LINGO3: variants seen among roughly 807,000 people sequenced by gnomAD.
LINGO3 encodes the protein leucine rich repeat and Ig domain containing 3.
For synonymous variants in LINGO3, 427 were observed against 444.2 expected (o/e 0.96, Z 0.49); for missense variants, 750 against 867.7 (o/e 0.86, Z 1.70).
the LINGO3 span, among the ~76,000 whole-genome samples, chr19:2,307,243 G>T: frequency 2.6e-4 from 40 of 152,352 alleles, no homozygotes; most frequent in African/African-American, 8.9e-4. Context: ...TGCAGCTTCT[G>T]GGGCACATCG....
the LINGO3 span, among the ~76,000 whole-genome samples, chr19:2,301,784 C>T: frequency 1.3e-5 from 2 of 151,542 alleles, no homozygotes; most frequent in Admixed American, 6.6e-5. Flanking sequence ...AAAAATTAGC[C>T]GGGCATGGTG....
chr19:2,292,102 G>A (rs2025530548), upstream of LINGO3: 1 of 350,286 alleles, frequency 2.9e-6, no homozygotes, highest in African/African-American at 2.3e-5. Context: ...GCAGGAGGAT[G>A]GCTTGGGCCC....
At chr19:2,293,864 G>A (rs1160699472), upstream of LINGO3, among the ~76,000 whole-genome samples, 8 of 151,724 alleles carry the variant, frequency 5.3e-5, no homozygotes, top group Non-Finnish European at 4.4e-5. Flanking sequence ...ACCAGCCTGG[G>A]CAACATGGGG....
downstream of LINGO3, among the ~76,000 whole-genome samples, chr19:2,289,173 CTGTGTTCCGGGTGTGAGCTG>C (rs2025492566): frequency 7.4e-6 from 1 of 135,932 alleles, no homozygotes; most frequent in Non-Finnish European, 1.6e-5. Context: ...GGTGTGAGCT[CTGTGTTCCGGGTGTGAGCTG>C]TGTGTCCCGG....
At chr19:2,306,691 G>A in the LINGO3 span, among the ~76,000 whole-genome samples, 8 of 152,246 alleles carry the variant, frequency 5.3e-5, no homozygotes, top group South Asian at 2.1e-4. Context: ...GTCATTTGCC[G>A]GAAGTCACCG....
At chr19:2,300,126 G>C in the LINGO3 span, among the ~76,000 whole-genome samples, 3 of 148,630 alleles carry the variant, frequency 2.0e-5, no homozygotes, top group African/African-American at 7.4e-5. Flanking sequence ...TCGCCTCCCG[G>C]GTTCAAGGGA....
At chr19:2,294,105 A>T (rs906849420), upstream of LINGO3, among the ~76,000 whole-genome samples, 2 of 152,078 alleles carry the variant, frequency 1.3e-5, no homozygotes, top group Non-Finnish European at 2.9e-5. This position sits in a 1 kb window ranked among gnomAD's most constrained non-coding sequence, Gnocchi z 4.3. Flanking sequence ...TGTGCACGGG[A>T]CCTCATTTGG....
the LINGO3 span, among the ~76,000 whole-genome samples, chr19:2,298,983 G>A: frequency 5.9e-5 from 9 of 152,102 alleles, no homozygotes; most frequent in Non-Finnish European, 1.0e-4. Context: ...GCCTCAATTC[G>A]GATGCGCTGT....
At chr19:2,294,674 C>T (rs569045304), upstream of LINGO3, among the ~76,000 whole-genome samples, 46 of 152,124 alleles carry the variant, frequency 3.0e-4, no homozygotes, top group African/African-American at 9.6e-4. This position sits in a 1 kb window ranked among gnomAD's most constrained non-coding sequence, Gnocchi z 4.3. Flanking sequence ...CCGTGGTGGC[C>T]CAGAGGAACA....
At chr19:2,305,167 G>A in the LINGO3 span, among the ~76,000 whole-genome samples, 4 of 152,194 alleles carry the variant, frequency 2.6e-5, no homozygotes, top group East Asian at 7.7e-4. Flanking sequence ...GAGGCCTCCC[G>A]GATCTGTGCA....
chr19:2,303,064 C>T, the LINGO3 span, among the ~76,000 whole-genome samples: 1 of 152,210 alleles, frequency 6.6e-6, no homozygotes, highest in Non-Finnish European at 1.5e-5. Flanking sequence ...ATCGTCCGCC[C>T]GCACCTCTAG....
In LINGO3 at chr19:2,290,276, G is replaced by T; in HGVS notation, c.1501C>A (p.Pro501Thr). Reference sequence around the variant, plus strand: ...TCGCCCGGGGTCCGGTTGGCGGCCGGCTCGGGGCGCACGGTCAGCGTGGCG... The same window carrying T: ...TCGCCCGGGGTCCGGTTGGCGGCCGTCTCGGGGCGCACGGTCAGCGTGGCG... Residue 501 changes from proline (P) to threonine (T), a missense_variant, in exon 1 of 1, where the codon CCG becomes ACG. Transcript: ENST00000585527. The surrounding 1 kb of genome is among the most constrained non-coding windows in gnomAD (Gnocchi z 6.0). 6.3e-7 allele frequency: 1 copy of T among 1,591,106 alleles called. No homozygotes were observed. The highest frequency in any genetic ancestry group is 8.5e-7 in the Non-Finnish European group (1 of 1,173,346).
chr19:2,289,628 G>A (rs1015439331), downstream of LINGO3, among the ~76,000 whole-genome samples: 2 of 152,060 alleles, frequency 1.3e-5, no homozygotes, highest in Non-Finnish European at 2.9e-5. Flanking sequence ...GGGGGCAGCA[G>A]TCTTGTGCCT....
chr19:2,291,796 G>C (rs768208968), exon 1 of LINGO3: 73 of 1,458,184 alleles, frequency 5.0e-5, no homozygotes, highest in Non-Finnish European at 2.6e-5. Context: ...CGTGGGCCTA[G>C]GGCCGCGCCA....
At chr19:2,306,855 G>T in the LINGO3 span, among the ~76,000 whole-genome samples, 1 of 152,140 alleles carries the variant, frequency 6.6e-6, no homozygotes, top group Non-Finnish European at 1.5e-5. Flanking sequence ...TTCCCACTCA[G>T]ATCCTGTCTC....
chr19:2,288,384 C>G (rs746246195), downstream of LINGO3, among the ~76,000 whole-genome samples: 6 of 152,244 alleles, frequency 3.9e-5, no homozygotes, highest in African/African-American at 1.4e-4. The surrounding 1 kb of genome is among the most constrained non-coding windows in gnomAD (Gnocchi z 6.5). Flanking sequence ...TCTCGTTCCC[C>G]ACCTGAGCCA....
chr19:2,302,369 C>T, the LINGO3 span, among the ~76,000 whole-genome samples: 1 of 152,162 alleles, frequency 6.6e-6, no homozygotes, highest in Non-Finnish European at 1.5e-5. Context: ...GCCCCCTGTC[C>T]TTAAGGAGCT....
At chr19:2,293,561 T>C (rs1227740772), upstream of LINGO3, among the ~76,000 whole-genome samples, 3 of 150,138 alleles carry the variant, frequency 2.0e-5, no homozygotes, top group Non-Finnish European at 4.4e-5. Context: ...GGTTTTGCCA[T>C]GTTGGCCAGG....
At chr19:2,305,913 C>T in the LINGO3 span, among the ~76,000 whole-genome samples, 1 of 152,232 alleles carries the variant, frequency 6.6e-6, no homozygotes, top group Non-Finnish European at 1.5e-5. Context: ...GCATCCTCTG[C>T]CCTAGATCCA....
Sources: gnomAD v4.1 joint callset for allele counts (sites outside exome capture counted in the v4.1 genomes callset) on GRCh38, gnomAD v4.1.1 for gene constraint, Gnocchi (gnomAD v3.1) non-coding constraint, MANE v1.5 for transcripts, NCBI Gene and HGNC (gene_info 2026-07-23, HGNC 2026-07-21) for gene names.